NRG1: variants seen among roughly 807,000 people sequenced by gnomAD.
The protein encoded by NRG1 is pro-neuregulin-1, membrane-bound isoform.
Under a neutral mutation model 63.8 loss-of-function variants are expected in NRG1, and 18 were observed. The ratio of observed to expected loss-of-function variants is 0.28; its 90% CI spans 0.19 to 0.42. The LOEUF (loss-of-function observed/expected upper bound fraction) is 0.42. Ranked by LOEUF, NRG1 falls within the 10% of genes least tolerant of loss-of-function variation. The pLI is 1.00. For synonymous variants in NRG1, 302 were observed against 301.3 expected, an observed-to-expected ratio of 1.00 and a Z score of -0.02; for missense variants, 762 against 814.7, an observed-to-expected ratio of 0.94 and a Z score of 0.79.
intron 1 of NRG1, among the ~76,000 whole-genome samples, chr8:32,088,525 T>TC (rs1312788638): frequency 6.6e-6 from 1 of 151,216 alleles, no homozygotes; most frequent in African/African-American, 2.4e-5. Flanking sequence ...TCATCACTTT[T>TC]TTTTTTTTTT....
At chr8:31,792,288 G>T (rs1820791185) in intron 1 of NRG1, among the ~76,000 whole-genome samples, 1 of 152,146 alleles carries the variant, frequency 6.6e-6, no homozygotes, top group Admixed American at 6.5e-5. Context: ...CAAACTAAAT[G>T]AATGCCTATT....
At chr8:31,649,325 A>G (rs967056671) in intron 1 of NRG1, among the ~76,000 whole-genome samples, 1 of 152,164 alleles carries the variant, frequency 6.6e-6, no homozygotes, top group Non-Finnish European at 1.5e-5. Flanking sequence ...GCACCATTTT[A>G]CATTCCCACC....
At chr8:32,452,318 G>GTT (rs1236814472) in intron 1 of NRG1, among the ~76,000 whole-genome samples, 3 of 152,134 alleles carry the variant, frequency 2.0e-5, no homozygotes, top group African/African-American at 2.4e-5. Flanking sequence ...AAGAGGGAGT[G>GTT]TTTTGGACTG....
intron 1 of NRG1, among the ~76,000 whole-genome samples, chr8:31,710,756 G>C (rs1010281688): frequency 6.6e-6 from 1 of 151,888 alleles, no homozygotes; most frequent in Non-Finnish European, 1.5e-5. Context: ...TATTGAGCTT[G>C]GTTTTACTTT....
chr8:32,721,419 C>T (rs1020731666), intron 5 of NRG1, among the ~76,000 whole-genome samples: 2 of 152,152 alleles, frequency 1.3e-5, no homozygotes, highest in Non-Finnish European at 2.9e-5. Context: ...GTGCTCCCAG[C>T]GTATTAGCTA....
chr8:32,717,962 A>C (rs1234477680), intron 5 of NRG1, among the ~76,000 whole-genome samples: 3 of 152,180 alleles, frequency 2.0e-5, no homozygotes, highest in Non-Finnish European at 4.4e-5. Context: ...CATTTCCTGG[A>C]GTGAAGATGC....
At chr8:32,479,913 G>A (rs781451694) in intron 1 of NRG1, among the ~76,000 whole-genome samples, 7 of 152,102 alleles carry the variant, frequency 4.6e-5, no homozygotes, top group East Asian at 1.9e-4. Flanking sequence ...CTCCCAAAGC[G>A]CTGGGATTAC....
chr8:32,707,727 ATT>A (rs56757234), intron 5 of NRG1, among the ~76,000 whole-genome samples: 3 of 151,194 alleles, frequency 2.0e-5, no homozygotes, highest in South Asian at 2.1e-4. Context: ...GCATTTTGAG[ATT>A]TTTTTTTTCA....
chr8:32,142,921 C>T (rs1836438740), intron 1 of NRG1, among the ~76,000 whole-genome samples: 2 of 152,168 alleles, frequency 1.3e-5, no homozygotes, highest in Non-Finnish European at 2.9e-5. Context: ...TGTCTGCCTT[C>T]GTCTTCAGAA....
At chr8:31,956,424 C>T (rs1036553024) in intron 1 of NRG1, among the ~76,000 whole-genome samples, 20 of 151,844 alleles carry the variant, frequency 1.3e-4, no homozygotes, top group African/African-American at 3.9e-4. Flanking sequence ...GAGACCATCC[C>T]GGCTAACATG....
At chr8:32,345,866 G>A (rs967374332) in intron 1 of NRG1, among the ~76,000 whole-genome samples, 1 of 151,696 alleles carries the variant, frequency 6.6e-6, no homozygotes, top group African/African-American at 2.4e-5. Context: ...AAATTAGCTG[G>A]GCATGGTGGC....
At chr8:31,670,970 C>T (rs1807076807) in intron 1 of NRG1, among the ~76,000 whole-genome samples, 1 of 152,130 alleles carries the variant, frequency 6.6e-6, no homozygotes, top group African/African-American at 2.4e-5. Flanking sequence ...CCTCAATCCA[C>T]AAATAGGTCC....
intron 5 of NRG1, among the ~76,000 whole-genome samples, chr8:32,677,984 T>C (rs1160558638): frequency 1.3e-5 from 2 of 152,178 alleles, no homozygotes; most frequent in Non-Finnish European, 2.9e-5. Context: ...TATCACATCA[T>C]CTTTTCAATT....
rs192577239 is a variant in NRG1, at chr8:32,274,378, A to G, written c.38-321450A>G. Among the ~76,000 whole-genome samples, 257 of 152,336 alleles carry G rather than the reference A, an allele frequency of 1.7e-3. 1 individual carries two copies. Among genetic ancestry groups the G allele is most frequent in the Non-Finnish European group, 1.3e-3 (91 of 68,028 alleles). On this transcript the variant is annotated intron_variant, in intron 1 of 10. Coordinates refer to the NRG1 transcript ENST00000519301. ...CATTAAAATTGAGTTTAGGGTAAGT[A>G]CGGGATAGGTGGAGAAAAGATTTTC...
chr8:31,849,876 T>C (rs967737962), intron 1 of NRG1, among the ~76,000 whole-genome samples: 29 of 152,218 alleles, frequency 1.9e-4, no homozygotes, highest in Admixed American at 1.9e-3. Context: ...TGAATTTGTC[T>C]CTGAGCAATC....
intron 1 of NRG1, among the ~76,000 whole-genome samples, chr8:32,178,145 C>T (rs1841006474): frequency 6.6e-6 from 1 of 152,042 alleles, no homozygotes; most frequent in South Asian, 2.1e-4. Context: ...TCCATGTCAG[C>T]AGGGTCAAAA....
intron 1 of NRG1, among the ~76,000 whole-genome samples, chr8:31,972,690 C>T (rs1178007910): frequency 6.6e-6 from 1 of 152,120 alleles, no homozygotes; most frequent in African/African-American, 2.4e-5. Context: ...TCTCATCGCC[C>T]TTCACCACTC....
intron 1 of NRG1, among the ~76,000 whole-genome samples, chr8:31,798,341 A>G (rs1821435881): frequency 6.6e-6 from 1 of 152,232 alleles, no homozygotes; most frequent in Non-Finnish European, 1.5e-5. Flanking sequence ...ATGAATAATT[A>G]TCATGTGTCA....
intron 1 of NRG1, among the ~76,000 whole-genome samples, chr8:32,198,493 C>A (rs1036049308): frequency 6.6e-6 from 1 of 152,158 alleles, no homozygotes; most frequent in Admixed American, 6.5e-5. Context: ...GCATTGTTTT[C>A]TAATCCAGAT....
Sources: allele counts gnomAD v4.1 joint callset (sites outside exome capture counted in the v4.1 genomes callset), GRCh38; gene constraint gnomAD v4.1.1; transcripts MANE v1.5; gene names NCBI Gene and HGNC (gene_info 2026-07-23, HGNC 2026-07-21).